TNIK: variants seen among roughly 807,000 people sequenced by gnomAD.
TNIK encodes the protein TRAF2 and NCK-interacting protein kinase.
A neutral mutation model predicts 191.3 loss-of-function variants in TNIK; 49 were observed. That is an observed-to-expected ratio of 0.26 (90% CI 0.20 to 0.32). TNIK has a LOEUF of 0.32. Among genes scored for constraint, TNIK ranks in the 10% least tolerant of loss-of-function variants. The probability of loss-of-function intolerance (pLI) is 1.00; values close to 1 mark genes in which losing one functional copy is unlikely to be tolerated. For synonymous variants in TNIK, 594 were observed against 600.9 expected (o/e 0.99, Z 0.17); for missense variants, 1,155 against 1,702.3 (o/e 0.68, Z 5.66).
chr3:171,079,440 A>G, intron 28 of TNIK, 78 bp downstream of exon 28: 1 of 1,511,668 alleles, frequency 6.6e-7, no homozygotes, highest in Non-Finnish European at 8.9e-7. Context: ...TCTGATAGAA[A>G]AAACTAGGTG....
chr3:171,284,333 T>C (rs1385474231), intron 2 of TNIK, among the ~76,000 whole-genome samples: 1 of 152,186 alleles, frequency 6.6e-6, no homozygotes, highest in Non-Finnish European at 1.5e-5. Flanking sequence ...TCCCCAATTT[T>C]TTAATTTAGT....
intron 2 of TNIK, among the ~76,000 whole-genome samples, chr3:171,276,029 T>G (rs1311429866): frequency 6.6e-6 from 1 of 152,088 alleles, no homozygotes; most frequent in African/African-American, 2.4e-5. Flanking sequence ...TGCAGACAAA[T>G]GTAGTTCCTA....
At chr3:171,262,725 T>G (rs1747806155) in intron 2 of TNIK, among the ~76,000 whole-genome samples, 1 of 152,250 alleles carries the variant, frequency 6.6e-6, no homozygotes. Context: ...GAAAAAATTC[T>G]TCCCTTCTTC....
chr3:171,283,569 T>C (rs1452653253), intron 2 of TNIK, among the ~76,000 whole-genome samples: 1 of 152,158 alleles, frequency 6.6e-6, no homozygotes, highest in Non-Finnish European at 1.5e-5. Context: ...TTGGCAGCCG[T>C]TCCAACCTGG....
intron 3 of TNIK, among the ~76,000 whole-genome samples, chr3:171,214,210 G>A (rs1448688515): frequency 6.6e-6 from 1 of 151,516 alleles, no homozygotes; most frequent in Non-Finnish European, 1.5e-5. Flanking sequence ...GAAATAGGAA[G>A]GAAGACCGTT....
chr3:171,259,732 C>T (rs1490015886), intron 2 of TNIK, among the ~76,000 whole-genome samples: 2 of 152,134 alleles, frequency 1.3e-5, no homozygotes, highest in South Asian at 4.1e-4. Flanking sequence ...TCTTAATAAG[C>T]CAGGCACCCT....
chr3:171,067,069 G>A (rs1249158767), intron 30 of TNIK, among the ~76,000 whole-genome samples: 1 of 152,134 alleles, frequency 6.6e-6, no homozygotes, highest in Non-Finnish European at 1.5e-5. Flanking sequence ...TGAGGAAACT[G>A]CATCTCAGAA....
rs67895255 is a variant in TNIK, at chr3:171,421,724, ATTTTTTTT to A, written c.57+38275_57+38282del. 2.1e-4 allele frequency among the ~76,000 whole-genome samples: 19 copies of A among 91,358 alleles called. 1 individual carries two copies. In the East Asian group the frequency reaches 5.9e-3, roughly 29 times the overall value. 59.9% of individuals were successfully genotyped at this position (91,358 alleles called of 152,430 possible). On this transcript the variant is annotated intron_variant, in intron 1 of 32. Coordinates refer to ENST00000436636, the MANE Select transcript of TNIK (RefSeq NM_015028.4). Reference sequence around the variant, plus strand: ...AGCTCTGCTCCTGATTAGTTGTGTAATTTTTTTTTTTTTTTTTTTTTTTTTGAGATGAA... The same window carrying A: ...AGCTCTGCTCCTGATTAGTTGTGTAATTTTTTTTTTTTTTTTTGAGATGAA...
At chr3:171,089,214 C>T (rs1458107737) in intron 23 of TNIK, among the ~76,000 whole-genome samples, 1 of 152,170 alleles carries the variant, frequency 6.6e-6, no homozygotes, top group Non-Finnish European at 1.5e-5. Context: ...TGGAGAGGAA[C>T]ATTTTCTGGA....
At chr3:171,237,438 G>A (rs1314269396) in intron 2 of TNIK, among the ~76,000 whole-genome samples, 1 of 151,284 alleles carries the variant, frequency 6.6e-6, no homozygotes, top group Non-Finnish European at 1.5e-5. Flanking sequence ...AGTTGTATCT[G>A]AACGGGAACA....
chr3:171,257,897 C>T (rs1392925490), intron 2 of TNIK, among the ~76,000 whole-genome samples: 3 of 152,192 alleles, frequency 2.0e-5, no homozygotes, highest in Non-Finnish European at 4.4e-5. Flanking sequence ...TATCAAACTG[C>T]TGTTGAGATT....
chr3:171,369,225 C>T (rs1296023337), intron 2 of TNIK, among the ~76,000 whole-genome samples: 2 of 152,144 alleles, frequency 1.3e-5, no homozygotes, highest in Non-Finnish European at 2.9e-5. Context: ...AATTCATGTC[C>T]TAGGCCAATA....
intron 15 of TNIK, among the ~76,000 whole-genome samples, chr3:171,136,295 A>C (rs1410897245): frequency 6.6e-6 from 1 of 152,216 alleles, no homozygotes; most frequent in Non-Finnish European, 1.5e-5. Context: ...GCACTTGTAA[A>C]GATGCATGAG....
intron 1 of TNIK, among the ~76,000 whole-genome samples, chr3:171,390,333 T>G (rs1445130799): frequency 2.6e-5 from 4 of 152,212 alleles, no homozygotes; most frequent in South Asian, 4.1e-4. Context: ...TGCCACACCG[T>G]GTTTGAATGC....
At chr3:171,255,773 G>A (rs1378740801) in intron 2 of TNIK, among the ~76,000 whole-genome samples, 1 of 152,196 alleles carries the variant, frequency 6.6e-6, no homozygotes, top group African/African-American at 2.4e-5. Context: ...GACCCCAGGT[G>A]TGGCTGCTGC....
chr3:171,157,626 C>A lies in TNIK; in HGVS notation c.1055G>T (p.Arg352Met), dbSNP rs370221102. Residue 352 changes from arginine to methionine, a missense_variant, in exon 12 of 33, where the codon AGG becomes ATG. Physicochemically the swap from Arg to Met is moderately conservative, Grantham distance 91 (BLOSUM62 -1). This residue lies in a region of TNIK where 735 missense variants were observed against 848.0 expected (regional missense o/e 0.87). Transcript: ENST00000436636. Reference protein sequence around the residue: ...LNLPGESTLRRDFLRLQLANK... With the variant: ...LNLPGESTLRMDFLRLQLANK... ...GGCCAGCTGCAGCCTCAGAAAGTCC[C>A]TCCGCAGCGTCGACTCCCCTGGCAG... The A allele has an allele frequency of 7.6e-5, 119 of 1,556,504 alleles. No individual in the cohort carries two copies. The highest frequency in any genetic ancestry group is 9.5e-5 in the Non-Finnish European group (109 of 1,150,138).
At chr3:171,067,521 T>C (rs1718604979) in intron 30 of TNIK, among the ~76,000 whole-genome samples, 1 of 151,718 alleles carries the variant, frequency 6.6e-6, no homozygotes, top group Non-Finnish European at 1.5e-5. Context: ...ATACAAAAAA[T>C]TAGCCGGGCA....
chr3:171,144,259 G>C (rs1221515052), intron 12 of TNIK, among the ~76,000 whole-genome samples: 1 of 152,116 alleles, frequency 6.6e-6, no homozygotes, highest in Non-Finnish European at 1.5e-5. Context: ...CCGGTGGGGA[G>C]ATGATGGATA....
intron 1 of TNIK, among the ~76,000 whole-genome samples, chr3:171,415,751 C>T (rs1409829051): frequency 6.6e-6 from 1 of 151,696 alleles, no homozygotes; most frequent in Non-Finnish European, 1.5e-5. Context: ...GATGTAGAGG[C>T]GGGCAGATCA....
Sources: allele counts gnomAD v4.1 joint callset (sites outside exome capture counted in the v4.1 genomes callset), GRCh38; gene constraint gnomAD v4.1.1; regional missense constraint gnomAD v4.1.1; transcripts MANE v1.5; gene names NCBI Gene and HGNC (gene_info 2026-07-23, HGNC 2026-07-21).